WWOX: variants seen among roughly 807,000 people sequenced by gnomAD.
The protein encoded by WWOX is WW domain containing oxidoreductase, also known as WW domain-containing oxidoreductase.
Under a neutral mutation model 46.2 loss-of-function variants are expected in WWOX, and 69 were observed. The ratio of observed to expected loss-of-function variants is 1.49; its 90% confidence interval spans 1.23 to 1.82. WWOX has a LOEUF of 1.82. Ranked by LOEUF, WWOX falls within the 40% of genes most tolerant of loss-of-function variation. WWOX has a pLI of 0.00. For synonymous variants in WWOX, 359 were observed against 202.6 expected, an observed-to-expected ratio of 1.77 and a Z score of -6.56; for missense variants, 919 against 542.6, an observed-to-expected ratio of 1.69 and a Z score of -6.89.
At position 78,858,097 on chromosome 16, in the gene WWOX, A is replaced by G. The variant is rs571579037; in HGVS notation, c.1057-353511A>G. On this transcript the variant is annotated intron_variant, in intron 8 of 8. Coordinates refer to ENST00000566780, the MANE Select transcript of WWOX (RefSeq NM_016373.4). ...AAATACTCTATAGCAAAAAAAGGAA[A>G]AATGAAAGAAATTAAAAAGATACCT... 3.9e-5 allele frequency among the ~76,000 whole-genome samples: 6 copies of G among 152,198 alleles called. No homozygotes were observed. The East Asian group carries it at 1.2e-3, about 29-fold the overall frequency.
chr16:78,277,463 G>A (rs2079599193), intron 5 of WWOX, among the ~76,000 whole-genome samples: 1 of 151,934 alleles, frequency 6.6e-6, no homozygotes, highest in East Asian at 1.9e-4. Flanking sequence ...TCAATTTGGA[G>A]CTCATACCGA....
At chr16:79,061,029 A>G (rs895562297) in intron 8 of WWOX, among the ~76,000 whole-genome samples, 3 of 152,200 alleles carry the variant, frequency 2.0e-5, no homozygotes, top group African/African-American at 7.2e-5. Context: ...TCAGACTGGA[A>G]TTCAGACTTA....
chr16:78,649,673 C>A (rs1373610154), intron 8 of WWOX, among the ~76,000 whole-genome samples: 1 of 152,210 alleles, frequency 6.6e-6, no homozygotes, highest in South Asian at 2.1e-4. Flanking sequence ...GACTCTGCCC[C>A]CTTTTGACCT....
chr16:79,074,365 G>C (rs11648721), intron 8 of WWOX, among the ~76,000 whole-genome samples: 69,252 of 142,192 alleles, frequency 0.49, 18,132 homozygotes, highest in Non-Finnish European at 0.61. Flanking sequence ...AACCACCGTT[G>C]TCACTCAAAG....
intron 6 of WWOX, among the ~76,000 whole-genome samples, chr16:78,423,804 C>G (rs1407881891): frequency 6.6e-6 from 1 of 150,712 alleles, no homozygotes; most frequent in Non-Finnish European, 1.5e-5. Flanking sequence ...TATGACCACA[C>G]CACTGCACTC....
intron 7 of WWOX, among the ~76,000 whole-genome samples, chr16:78,426,658 T>TTTATTA (rs1294536756): frequency 6.6e-6 from 1 of 152,076 alleles, no homozygotes; most frequent in African/African-American, 2.4e-5. Flanking sequence ...CACATCGTTA[T>TTTATTA]TTATTATTAC....
In WWOX at chr16:78,662,320, C is replaced by T. The variant is rs536337019; in HGVS notation, c.1056+229568C>T. Among the ~76,000 whole-genome samples, 3 of 152,302 alleles carry T rather than the reference C, an allele frequency of 2.0e-5. No homozygotes were observed. The East Asian group carries it at 5.8e-4, about 29-fold the overall frequency. On this transcript the variant is annotated intron_variant, in intron 8 of 8. Coordinates refer to ENST00000566780, the MANE Select transcript of WWOX (RefSeq NM_016373.4). ...AGGATTCACTGAGAGTGTTGGTCAG[C>T]ATTTCATCTGCATATACAGGACTGG...
chr16:79,123,154 C>A (rs1275209848), intron 8 of WWOX, among the ~76,000 whole-genome samples: 2 of 152,082 alleles, frequency 1.3e-5, no homozygotes, highest in African/African-American at 4.8e-5. Context: ...CAACAGAGTA[C>A]CCACTAGTGA....
chr16:78,105,974 G>A (rs111502009), intron 1 of WWOX, among the ~76,000 whole-genome samples: 3,820 of 152,088 alleles, frequency 0.025, 173 homozygotes, highest in African/African-American at 0.087. Flanking sequence ...TCTAATTTTT[G>A]TATTTTTAGT....
intron 8 of WWOX, among the ~76,000 whole-genome samples, chr16:78,601,251 C>T (rs977470069): frequency 6.6e-6 from 1 of 152,142 alleles, no homozygotes; most frequent in African/African-American, 2.4e-5. Context: ...CAGAAGGAAG[C>T]CGGGTCCCTC....
intron 6 of WWOX, among the ~76,000 whole-genome samples, chr16:78,397,459 C>T (rs940450467): frequency 7.9e-5 from 12 of 152,150 alleles, no homozygotes; most frequent in African/African-American, 2.9e-4. Flanking sequence ...CCACATTTTA[C>T]AGACTAAGAA....
At chr16:78,668,480 C>G (rs943156430) in intron 8 of WWOX, among the ~76,000 whole-genome samples, 10 of 152,162 alleles carry the variant, frequency 6.6e-5, no homozygotes, top group African/African-American at 2.2e-4. Flanking sequence ...TCATTATATT[C>G]TTACTCTGGG....
intron 8 of WWOX, among the ~76,000 whole-genome samples, chr16:78,936,188 G>T (rs1214526095): frequency 2.0e-5 from 3 of 151,998 alleles, no homozygotes; most frequent in African/African-American, 7.2e-5. Context: ...ATGAGAAGAT[G>T]CAATAGGCAA....
At chr16:78,804,647 C>T (rs576143046) in intron 8 of WWOX, among the ~76,000 whole-genome samples, 11 of 152,320 alleles carry the variant, frequency 7.2e-5, no homozygotes, top group African/African-American at 2.6e-4. Flanking sequence ...TTGAGTGTAG[C>T]AGAATTGCTT....
chr16:78,260,459 G>A (rs2038250076), intron 5 of WWOX, among the ~76,000 whole-genome samples: 1 of 151,490 alleles, frequency 6.6e-6, no homozygotes, highest in Non-Finnish European at 1.5e-5. Flanking sequence ...GAGGCCAGGA[G>A]TTTGAGACCA....
At chr16:78,596,091 G>A (rs940081528) in intron 8 of WWOX, among the ~76,000 whole-genome samples, 1 of 152,046 alleles carries the variant, frequency 6.6e-6, no homozygotes, top group Non-Finnish European at 1.5e-5. Context: ...TTCTAATCAT[G>A]TGTGACTATA....
chr16:79,187,653 T>C (rs1215715498), intron 8 of WWOX, among the ~76,000 whole-genome samples: 2 of 152,158 alleles, frequency 1.3e-5, no homozygotes, highest in Non-Finnish European at 2.9e-5. Flanking sequence ...GTGATCGGCC[T>C]GCCTCAGCCT....
chr16:78,570,556 C>T (rs997280525), intron 8 of WWOX, among the ~76,000 whole-genome samples: 1 of 152,046 alleles, frequency 6.6e-6, no homozygotes, highest in Non-Finnish European at 1.5e-5. Context: ...TCAAGTGATC[C>T]TCCCGCCTCT....
chr16:78,605,319 T>A (rs897404815), intron 8 of WWOX, among the ~76,000 whole-genome samples: 1 of 151,848 alleles, frequency 6.6e-6, no homozygotes, highest in African/African-American at 2.4e-5. Flanking sequence ...CTCAGGCATG[T>A]CTTATATAAT....
Sources: allele counts gnomAD v4.1 joint callset (sites outside exome capture counted in the v4.1 genomes callset), GRCh38; gene constraint gnomAD v4.1.1; transcripts MANE v1.5; gene names NCBI Gene and HGNC (gene_info 2026-07-23, HGNC 2026-07-21).